The following PDSS2 variants were observed in gnomAD, a reference collection of about 807,000 sequenced individuals.
PDSS2 encodes decaprenyl diphosphate synthase subunit 2, also known as all trans-polyprenyl-diphosphate synthase PDSS2.
In PDSS2, 31 loss-of-function variants were observed where a neutral mutation model predicts 44.5. The observed-to-expected ratio is 0.70, with a 90% confidence interval of 0.52 to 0.94. The LOEUF is 0.94. Among genes scored for constraint, PDSS2 ranks in the 40% least tolerant of loss-of-function variants. The pLI is 0.00. For missense variants in PDSS2, 452 were observed against 482.2 expected, an observed-to-expected ratio of 0.94 and a Z score of 0.59; for synonymous variants, 157 against 180.3, an observed-to-expected ratio of 0.87 and a Z score of 1.03.
chr6:107,297,236 T>G (rs1285651330), intron 2 of PDSS2, among the ~76,000 whole-genome samples: 4 of 152,230 alleles, frequency 2.6e-5, no homozygotes, highest in African/African-American at 9.6e-5. Flanking sequence ...ATTTAATGTT[T>G]ATGCCTCAGT....
chr6:107,376,695 C>A (rs1220676548), intron 1 of PDSS2, among the ~76,000 whole-genome samples: 4 of 151,894 alleles, frequency 2.6e-5, no homozygotes, highest in African/African-American at 9.7e-5. Flanking sequence ...ACAATCATGT[C>A]GTCTGCAAAC....
rs577605658 is a variant in PDSS2, at chr6:107,438,710, A to G, written c.296+20280T>C. Among the ~76,000 whole-genome samples, 3 of 152,296 alleles carry G rather than the reference A, an allele frequency of 2.0e-5. No homozygotes were observed. In the South Asian group the frequency reaches 6.2e-4, roughly 32 times the overall value. ...CTCTGGCCATTTACCCAGGTAATCAAGAGCTGGCAAAAGGGAAATACCAAA... is the reference window on the plus strand; with the variant it reads ...CTCTGGCCATTTACCCAGGTAATCAGGAGCTGGCAAAAGGGAAATACCAAA... On this transcript the variant is annotated intron_variant, in intron 1 of 7. Coordinates refer to ENST00000369037, the MANE Select transcript of PDSS2 (RefSeq NM_020381.4).
intron 3 of PDSS2, among the ~76,000 whole-genome samples, chr6:107,265,208 G>A (rs1757272103): frequency 6.6e-6 from 1 of 152,134 alleles, no homozygotes; most frequent in Non-Finnish European, 1.5e-5. Flanking sequence ...AAAGCCAAAG[G>A]GAAAATAATT....
chr6:107,319,050 C>G (rs1203312924), intron 2 of PDSS2, among the ~76,000 whole-genome samples: 1 of 151,866 alleles, frequency 6.6e-6, no homozygotes, highest in Non-Finnish European at 1.5e-5. Flanking sequence ...ACACTACACA[C>G]ACACTCAGTA....
At chr6:107,318,148 G>A (rs886206720) in intron 2 of PDSS2, among the ~76,000 whole-genome samples, 3 of 152,016 alleles carry the variant, frequency 2.0e-5, no homozygotes, top group Non-Finnish European at 2.9e-5. Context: ...TTAAACAGGG[G>A]TGGGAGAATA....
At chr6:107,263,093 G>A (rs563701100) in intron 3 of PDSS2, among the ~76,000 whole-genome samples, 8 of 152,006 alleles carry the variant, frequency 5.3e-5, no homozygotes, top group African/African-American at 1.9e-4. Context: ...TTCTTGTTCA[G>A]TTTGTTTTCC....
chr6:107,458,773 G>C (rs977054872), intron 1 of PDSS2, among the ~76,000 whole-genome samples: 1 of 152,118 alleles, frequency 6.6e-6, no homozygotes, highest in African/African-American at 2.4e-5. Flanking sequence ...AAGCATACAA[G>C]TGTTTCAAAG....
chr6:107,331,896 G>C (rs866180568), intron 2 of PDSS2, among the ~76,000 whole-genome samples: 1 of 151,892 alleles, frequency 6.6e-6, no homozygotes, highest in Non-Finnish European at 1.5e-5. Flanking sequence ...ACAAGCAGAT[G>C]ACTAATAAGA....
chr6:107,304,689 C>T (rs1776801707), intron 2 of PDSS2, among the ~76,000 whole-genome samples: 2 of 152,208 alleles, frequency 1.3e-5, no homozygotes, highest in Admixed American at 1.3e-4. Flanking sequence ...ATAGTAAGTG[C>T]TTACTAAATA....
chr6:107,265,312 TAC>T (rs747857683), intron 3 of PDSS2, among the ~76,000 whole-genome samples: 17 of 152,110 alleles, frequency 1.1e-4, no homozygotes, highest in Non-Finnish European at 2.1e-4. Flanking sequence ...CCATGAGAAG[TAC>T]AGAGATAAAC....
At chr6:107,286,378 C>T (rs941598752) in intron 2 of PDSS2, among the ~76,000 whole-genome samples, 1 of 151,326 alleles carries the variant, frequency 6.6e-6, no homozygotes. Flanking sequence ...ATTGTGGTGG[C>T]GGGTGCCTGT....
At chr6:107,307,702 T>C (rs1371002806) in intron 2 of PDSS2, among the ~76,000 whole-genome samples, 2 of 152,190 alleles carry the variant, frequency 1.3e-5, no homozygotes, top group African/African-American at 4.8e-5. Flanking sequence ...CATCTTGGCA[T>C]GTTGCTACCA....
At chr6:107,271,180 C>T (rs1448025259) in intron 3 of PDSS2, among the ~76,000 whole-genome samples, 3 of 152,132 alleles carry the variant, frequency 2.0e-5, no homozygotes, top group African/African-American at 7.2e-5. Context: ...CCACTATGGC[C>T]TCCACAGTGG....
At chr6:107,376,603 G>A (rs1381635420) in intron 1 of PDSS2, among the ~76,000 whole-genome samples, 1 of 152,158 alleles carries the variant, frequency 6.6e-6, no homozygotes, top group Non-Finnish European at 1.5e-5. Context: ...TTTGTGCATT[G>A]ATTTTGCATC....
intron 1 of PDSS2, among the ~76,000 whole-genome samples, chr6:107,355,125 G>A (rs1485015555): frequency 6.6e-6 from 1 of 152,060 alleles, no homozygotes; most frequent in African/African-American, 2.4e-5. Context: ...TAGAGACAGG[G>A]TTTCACCATG....
chr6:107,220,913 TAAAGGA>T (rs2114678266), intron 4 of PDSS2, among the ~76,000 whole-genome samples: 1 of 152,230 alleles, frequency 6.6e-6, no homozygotes, highest in South Asian at 2.1e-4. Flanking sequence ...TGCTCTATTA[TAAAGGA>T]AAAGTTAGTA....
rs61088823 is a variant in PDSS2, at chr6:107,226,668, A to ATTT, written c.703-14389_703-14387dup. On this transcript the variant is annotated intron_variant, in intron 4 of 7. Transcript: ENST00000369037. Reference sequence around the variant, plus strand: ...TTTGGGTCACTTTCAGGATTTTGGAATTTTTTTTTTTTTTTTTTTGAGATG... The same window carrying ATTT: ...TTTGGGTCACTTTCAGGATTTTGGAATTTTTTTTTTTTTTTTTTTTTTGAGATG... Among the ~76,000 whole-genome samples the ATTT allele has an allele frequency of 1.6e-3, 210 of 132,224 alleles. 2 individuals carry two copies. The highest frequency in any genetic ancestry group is 2.3e-3 in the African/African-American group (82 of 35,808). 86.7% of individuals were successfully genotyped at this position (132,224 alleles called of 152,430 possible).
rs564484023 is a variant in PDSS2 at position 107,279,973 on chromosome 6, A to G, written c.432-5746T>C. Among the ~76,000 whole-genome samples, 13 of 152,342 alleles carry G rather than the reference A, an allele frequency of 8.5e-5. No homozygotes were observed. The South Asian group carries it at 2.7e-3, about 32-fold the overall frequency. On this transcript the variant is annotated intron_variant, in intron 2 of 7. Coordinates refer to ENST00000369037, the MANE Select transcript of PDSS2 (RefSeq NM_020381.4). Reference sequence around the variant, plus strand: ...CCCAAAGCAATCTATTAAACTTTCAATGCACTGGATTTTTAAAAAATTATC... The same window carrying G: ...CCCAAAGCAATCTATTAAACTTTCAGTGCACTGGATTTTTAAAAAATTATC...
At chr6:107,227,035 A>T (rs929872828) in intron 4 of PDSS2, among the ~76,000 whole-genome samples, 10 of 149,682 alleles carry the variant, frequency 6.7e-5, no homozygotes, top group Admixed American at 3.4e-4. Flanking sequence ...TCTGTTGCCC[A>T]GGGGCACAAT....
Sources: gnomAD v4.1 joint callset for allele counts (sites outside exome capture counted in the v4.1 genomes callset) on GRCh38, gnomAD v4.1.1 for gene constraint, MANE v1.5 for transcripts, NCBI Gene and HGNC (gene_info 2026-07-23, HGNC 2026-07-21) for gene names.